Variants in CASP5 observed in about 807,000 individuals in gnomAD.
CASP5 encodes the protein caspase-5.
CASP5 carries 42 observed loss-of-function variants against 45.2 expected under a neutral mutation model. That is an observed-to-expected ratio of 0.93 (90% CI 0.73 to 1.20). CASP5 has a LOEUF of 1.20. CASP5 is among the 50% of genes most tolerant of loss of function. The probability of loss-of-function intolerance (pLI) is 0.00; values close to 1 mark genes in which losing one functional copy is unlikely to be tolerated. For synonymous variants in CASP5, 209 were observed against 186.2 expected (o/e 1.12, Z -1.00); for missense variants, 512 against 532.2 (o/e 0.96, Z 0.37).
chr11:105,008,368 T>C (rs1402982576), intron 2 of CASP5, among the ~76,000 whole-genome samples: 2 of 152,028 alleles, frequency 1.3e-5, no homozygotes, highest in African/African-American at 4.8e-5. Context: ...TTGGGAGTTA[T>C]TGGCATGTTG....
At chr11:105,010,663 C>T (rs3181169) in intron 1 of CASP5, among the ~76,000 whole-genome samples, 8,458 of 151,294 alleles carry the variant, frequency 0.056, 714 homozygotes, top group African/African-American at 0.19. Context: ...AAATAATAGG[C>T]TGCCCTAAAT....
At chr11:105,007,760 G>A (rs1206358175) in intron 2 of CASP5, among the ~76,000 whole-genome samples, 1 of 152,018 alleles carries the variant, frequency 6.6e-6, no homozygotes, top group Non-Finnish European at 1.5e-5. Flanking sequence ...GCTGTATTTA[G>A]TTTCCTTGGG....
chr11:105,004,663 C>G (rs1277574969), intron 3 of CASP5, among the ~76,000 whole-genome samples: 5 of 151,694 alleles, frequency 3.3e-5, no homozygotes, highest in Non-Finnish European at 7.4e-5. Flanking sequence ...TCATTTGTTT[C>G]TCTTCATTTT....
intron 1 of CASP5, among the ~76,000 whole-genome samples, chr11:105,015,702 A>G (rs1260170578): frequency 6.6e-6 from 1 of 151,902 alleles, no homozygotes; most frequent in Admixed American, 6.6e-5. Context: ...ATGGCTATGA[A>G]TTTGACTTAC....
intron 1 of CASP5, among the ~76,000 whole-genome samples, chr11:105,022,113 G>A (rs1327919586): frequency 6.9e-6 from 1 of 145,798 alleles, no homozygotes; most frequent in Non-Finnish European, 1.5e-5. Context: ...TGAACAATGA[G>A]AACACATGGA....
At chr11:105,007,425 T>A in intron 2 of CASP5, 91 bp from the exon 3 acceptor site, 1 of 1,206,960 alleles carries the variant, frequency 8.3e-7, no homozygotes, top group Non-Finnish European at 1.2e-6. Flanking sequence ...ATGAAACTCC[T>A]CTAAAAATAC....
chr11:104,998,586 C>T (rs552590430), intron 7 of CASP5, among the ~76,000 whole-genome samples: 7 of 152,274 alleles, frequency 4.6e-5, no homozygotes, highest in Admixed American at 2.0e-4. Context: ...CAGCATCCAT[C>T]ATCTATGTTT....
chr11:105,014,246 C>G (rs1210401043), intron 1 of CASP5, among the ~76,000 whole-genome samples: 2 of 152,064 alleles, frequency 1.3e-5, no homozygotes, highest in Admixed American at 1.3e-4. Flanking sequence ...CTCCTTGCTT[C>G]CTATTCTCCT....
At chr11:105,010,752 T>C (rs912956565) in intron 1 of CASP5, among the ~76,000 whole-genome samples, 1 of 151,674 alleles carries the variant, frequency 6.6e-6, no homozygotes, top group African/African-American at 2.4e-5. Context: ...GTAATAATAA[T>C]ATATGTTGAA....
chr11:104,995,083 G>C (rs1861393901), intron 9 of CASP5: 1 of 152,224 alleles, frequency 6.6e-6, no homozygotes, highest in Non-Finnish European at 1.5e-5. Flanking sequence ...GGTGGTACCT[G>C]GTATTCAATC....
chr11:104,995,664 T>C, intron 9 of CASP5, 76 bp downstream of exon 9: 1 of 871,990 alleles, frequency 1.1e-6, no homozygotes, highest in South Asian at 1.5e-5. Flanking sequence ...AGCAGTCAGC[T>C]GTCATTGGTC....
intron 2 of CASP5, 110 bp from the exon 3 acceptor site, chr11:105,007,444 T>C: frequency 9.4e-7 from 1 of 1,060,842 alleles, no homozygotes; most frequent in Non-Finnish European, 1.4e-6. Flanking sequence ...ACATTCTATT[T>C]TACCATGTCT....
At chr11:105,010,026 T>C (rs1214040159) in intron 1 of CASP5, among the ~76,000 whole-genome samples, 1 of 150,250 alleles carries the variant, frequency 6.7e-6, no homozygotes, top group Admixed American at 6.7e-5. Context: ...AAGCCAGATA[T>C]CTCCTCTCTT....
intron 8 of CASP5, among the ~76,000 whole-genome samples, chr11:104,996,770 T>C (rs1861488537): frequency 6.6e-6 from 1 of 152,116 alleles, no homozygotes; most frequent in Non-Finnish European, 1.5e-5. Flanking sequence ...ATATGCTTAA[T>C]GGGAGGAGGT....
At chr11:105,010,483 T>C (rs1246650482) in intron 1 of CASP5, among the ~76,000 whole-genome samples, 2 of 134,678 alleles carry the variant, frequency 1.5e-5, no homozygotes, top group African/African-American at 7.4e-5. Flanking sequence ...TAATTATCAT[T>C]ATACTGATAT....
chr11:105,014,848 A>T (rs1392656126), intron 1 of CASP5, among the ~76,000 whole-genome samples: 7 of 152,224 alleles, frequency 4.6e-5, no homozygotes, highest in African/African-American at 1.7e-4. Context: ...TAACGAGCAG[A>T]TGCTCAAAAA....
chr11:104,997,035 C>A (rs934369464), intron 8 of CASP5, among the ~76,000 whole-genome samples: 4 of 152,242 alleles, frequency 2.6e-5, no homozygotes, highest in Non-Finnish European at 5.9e-5. Flanking sequence ...GCCTCATTTA[C>A]CCCTTTGTCA....
rs1358811356 is a variant in CASP5, at chr11:104,997,487, C to T, written c.1102G>A (p.Val368Met). ...IAFCSSTPHN[V>M]SWRDRTRGSI... ...CCCCTTGTGCGGTCTCTCCAGGACA[C>T]GTTATCTATGATGATACAGCCTGGT... The change falls in exon 8 of 10, where the codon GTG becomes ATG. Residue 368 changes from valine to methionine, a missense_variant. Physicochemically the swap from Val to Met is conservative, Grantham distance 21. Transcript: ENST00000260315. 4 of 1,599,330 alleles carry T rather than the reference C, an allele frequency of 2.5e-6. No homozygotes were observed. The highest frequency in any genetic ancestry group is 2.7e-5 in the African/African-American group (2 of 74,594).
chr11:104,998,845 A>G, intron 7 of CASP5, 40 bp downstream of exon 7: 6 of 1,599,324 alleles, frequency 3.8e-6, no homozygotes, highest in Non-Finnish European at 4.3e-6. Flanking sequence ...AGGTGGCCTC[A>G]GCACCCCCAA....
Sources: allele counts gnomAD v4.1 joint callset (sites outside exome capture counted in the v4.1 genomes callset), GRCh38; gene constraint gnomAD v4.1.1; transcripts MANE v1.5; gene names NCBI Gene and HGNC (gene_info 2026-07-23, HGNC 2026-07-21).